The following GALNTL6 variants were observed in gnomAD, a reference collection of about 807,000 sequenced individuals.
GALNTL6 encodes the protein polypeptide N-acetylgalactosaminyltransferase-like 6.
GALNTL6 carries 46 observed loss-of-function variants against 73.7 expected under a neutral mutation model. The ratio of observed to expected loss-of-function variants is 0.62; its 90% CI spans 0.49 to 0.80. The LOEUF is 0.80. Among genes scored for constraint, GALNTL6 ranks in the 30% least tolerant of loss-of-function variants. GALNTL6 has a pLI of 0.00. For synonymous variants in GALNTL6, 259 were observed against 263.7 expected, an observed-to-expected ratio of 0.98 and a Z score of 0.17; for missense variants, 604 against 755.0, an observed-to-expected ratio of 0.80 and a Z score of 2.34.
chr4:172,133,549 TG>T (rs1315437394), intron 2 of GALNTL6, among the ~76,000 whole-genome samples: 1 of 152,198 alleles, frequency 6.6e-6, no homozygotes, highest in Non-Finnish European at 1.5e-5. Context: ...GAAACACTCT[TG>T]GGTTTGTGTT....
chr4:172,979,357 T>C (rs1468917490), intron 10 of GALNTL6, among the ~76,000 whole-genome samples: 1 of 152,214 alleles, frequency 6.6e-6, no homozygotes, highest in African/African-American at 2.4e-5. Flanking sequence ...GTTCTTTCCT[T>C]CCCTAAAGGT....
chr4:172,657,039 AAAG>A (rs1479463774), intron 5 of GALNTL6, among the ~76,000 whole-genome samples: 3 of 152,202 alleles, frequency 2.0e-5, no homozygotes, highest in Non-Finnish European at 4.4e-5. Flanking sequence ...AGAAAAAGGA[AAAG>A]GAGGAGGAGA....
intron 2 of GALNTL6, among the ~76,000 whole-genome samples, chr4:172,020,531 A>T (rs1469157587): frequency 1.3e-5 from 2 of 152,074 alleles, no homozygotes; most frequent in African/African-American, 2.4e-5. Context: ...TACTATGAAC[A>T]ACTATATGCT....
At chr4:173,038,644 T>A (rs906102896) in intron 12 of GALNTL6, among the ~76,000 whole-genome samples, 6 of 152,234 alleles carry the variant, frequency 3.9e-5, no homozygotes, top group Non-Finnish European at 7.3e-5. Context: ...GCTCTTTGTT[T>A]ACACTGAAAA....
In GALNTL6 at chr4:172,855,159, A is replaced by C. The variant is rs371667172; in HGVS notation, c.924-27631A>C. Among the ~76,000 whole-genome samples, 31 of 149,604 alleles carry C rather than the reference A, an allele frequency of 2.1e-4. No homozygotes were observed. In the East Asian group the frequency reaches 2.4e-3, roughly 12 times the overall value. On this transcript the variant is annotated intron_variant, in intron 7 of 12. Transcript: ENST00000506823. ...CCACCTGAAGAGAGCAAATTATGCA[A>C]GTGGAAAGCTAGTCAGGATCCTGAG...
intron 2 of GALNTL6, among the ~76,000 whole-genome samples, chr4:172,138,411 CTTTT>C (rs562028285): frequency 1.9e-5 from 2 of 102,872 alleles, no homozygotes; most frequent in African/African-American, 7.6e-5. Flanking sequence ...CTTCATTTTC[CTTTT>C]TTTTTGCCAA....
chr4:172,608,025 T>A (rs986267840), intron 5 of GALNTL6, among the ~76,000 whole-genome samples: 1 of 152,196 alleles, frequency 6.6e-6, no homozygotes, highest in Non-Finnish European at 1.5e-5. Flanking sequence ...TCCTTCTGGA[T>A]CCTAGATATT....
intron 2 of GALNTL6, among the ~76,000 whole-genome samples, chr4:172,123,974 G>C (rs766151570): frequency 1.4e-4 from 22 of 152,086 alleles, no homozygotes; most frequent in Admixed American, 6.6e-5. Flanking sequence ...CTACACTTAA[G>C]AGTACTTCTT....
intron 5 of GALNTL6, among the ~76,000 whole-genome samples, chr4:172,471,467 T>C (rs1733046900): frequency 6.6e-6 from 1 of 152,360 alleles, no homozygotes; most frequent in East Asian, 1.9e-4. Flanking sequence ...GTGCAGTTTA[T>C]TGATGCCACT....
intron 5 of GALNTL6, among the ~76,000 whole-genome samples, chr4:172,672,140 CT>C (rs1232820754): frequency 6.6e-6 from 1 of 152,188 alleles, no homozygotes; most frequent in Admixed American, 6.5e-5. Flanking sequence ...ATCCACCCAC[CT>C]TAGCCTCCCA....
intron 2 of GALNTL6, among the ~76,000 whole-genome samples, chr4:172,074,594 A>T (rs564958502): frequency 1.3e-5 from 2 of 152,182 alleles, no homozygotes; most frequent in South Asian, 4.2e-4. Flanking sequence ...ATAGCATATG[A>T]CAAAATATAG....
chr4:171,884,593 T>C (rs970523052), intron 2 of GALNTL6, among the ~76,000 whole-genome samples: 3 of 151,816 alleles, frequency 2.0e-5, no homozygotes, highest in Admixed American at 2.0e-4. Context: ...GATATACATA[T>C]TCATTTCAAA....
At chr4:172,170,043 G>A (rs779800600) in intron 2 of GALNTL6, among the ~76,000 whole-genome samples, 3 of 152,200 alleles carry the variant, frequency 2.0e-5, no homozygotes, top group Non-Finnish European at 4.4e-5. Flanking sequence ...GACTTGGAAT[G>A]CAGGAAGTCA....
chr4:172,535,371 C>CAATA (rs1314142061), intron 5 of GALNTL6, among the ~76,000 whole-genome samples: 1 of 152,080 alleles, frequency 6.6e-6, no homozygotes, highest in African/African-American at 2.4e-5. Context: ...AAAATTTCTG[C>CAATA]AATAAATAAA....
chr4:172,085,994 C>T (rs552747806), intron 2 of GALNTL6, among the ~76,000 whole-genome samples: 16 of 152,148 alleles, frequency 1.1e-4, no homozygotes, highest in African/African-American at 3.6e-4. Context: ...AACACTGTAG[C>T]CTTTGTTCCC....
chr4:172,516,644 AAATT>A (rs1734616788), intron 5 of GALNTL6, among the ~76,000 whole-genome samples: 1 of 152,150 alleles, frequency 6.6e-6, no homozygotes, highest in South Asian at 2.1e-4. Flanking sequence ...AGTGCTGAAA[AAATT>A]AATTACTGAG....
intron 5 of GALNTL6, among the ~76,000 whole-genome samples, chr4:172,407,565 A>C (rs1744283046): frequency 6.6e-6 from 1 of 152,072 alleles, no homozygotes; most frequent in African/African-American, 2.4e-5. Context: ...ACTCTTTGTA[A>C]GATATTGAAC....
chr4:172,134,349 C>T (rs1733580820), intron 2 of GALNTL6, among the ~76,000 whole-genome samples: 1 of 151,060 alleles, frequency 6.6e-6, no homozygotes, highest in Non-Finnish European at 1.5e-5. Flanking sequence ...CACTCCACTG[C>T]ACTCCAGCCT....
At chr4:172,404,032 G>C (rs561822863) in intron 5 of GALNTL6, among the ~76,000 whole-genome samples, 1 of 152,026 alleles carries the variant, frequency 6.6e-6, no homozygotes, top group South Asian at 2.1e-4. Context: ...TTTATTGCCT[G>C]CACAGCCCAG....
Sources: allele counts gnomAD v4.1 joint callset (sites outside exome capture counted in the v4.1 genomes callset), GRCh38; gene constraint gnomAD v4.1.1; transcripts MANE v1.5; gene names NCBI Gene and HGNC (gene_info 2026-07-23, HGNC 2026-07-21).